PCBD2: variants seen among roughly 807,000 people sequenced by gnomAD.
The protein encoded by PCBD2 is pterin-4-alpha-carbinolamine dehydratase 2.
PCBD2 carries 12 observed loss-of-function variants against 16.4 expected under a neutral mutation model. The observed-to-expected ratio is 0.73, with a 90% CI of 0.47 to 1.19. The LOEUF (loss-of-function observed/expected upper bound fraction) is 1.19. Among genes scored for constraint, PCBD2 ranks in the 50% most tolerant of loss-of-function variants. PCBD2 has a pLI of 0.00. For missense variants in PCBD2, 138 were observed against 156.8 expected (o/e 0.88, Z 0.64); for synonymous variants, 58 against 61.8 (o/e 0.94, Z 0.29).
rs756864106 is a variant in PCBD2 at position 134,945,589 on chromosome 5, A to G, written c.217-13451A>G. ...TTAAATGTTTTCTCTCTTCATTGCT[A>G]TTTTCTGAATTACTAGCATAATTTG... On this transcript the variant is annotated intron_variant, in intron 2 of 3. Coordinates refer to ENST00000254908, the MANE Select transcript of PCBD2 (RefSeq NM_032151.5). Among the ~76,000 whole-genome samples the G allele has an allele frequency of 3.3e-5, 5 of 152,272 alleles. No homozygotes were observed. In the East Asian group the frequency reaches 5.8e-4, roughly 18 times the overall value.
chr5:134,944,265 T>C (rs1407633538), intron 2 of PCBD2, among the ~76,000 whole-genome samples: 2 of 152,170 alleles, frequency 1.3e-5, no homozygotes, highest in Non-Finnish European at 2.9e-5. Flanking sequence ...TATTTGGACC[T>C]TGGAGAAACT....
intron 1 of PCBD2, among the ~76,000 whole-genome samples, chr5:134,908,576 A>T (rs1750727352): frequency 6.7e-6 from 1 of 150,242 alleles, no homozygotes; most frequent in Admixed American, 6.7e-5. Context: ...GAGGCAGAAG[A>T]GTCGCTTGAA....
rs1750719201 is a variant in PCBD2 at position 134,908,079 on chromosome 5, C to G, written c.85-2256C>G. On this transcript the variant is annotated intron_variant, in intron 1 of 3. Transcript: ENST00000254908. ...AGACTATGGACATGGTCCACCACAC[C>G]CGGCTATTTTTTAAAATTTTTTTGT... 8.6e-5 allele frequency among the ~76,000 whole-genome samples: 13 copies of G among 151,742 alleles called. 1 individual carries two copies. Among genetic ancestry groups the G allele is most frequent in the Admixed American group, 8.5e-4 (13 of 15,238 alleles).
chr5:134,912,282 G>C (rs1750778758), intron 2 of PCBD2, among the ~76,000 whole-genome samples: 1 of 152,168 alleles, frequency 6.6e-6, no homozygotes, highest in African/African-American at 2.4e-5. Flanking sequence ...TTTCCCACTA[G>C]GCTCCTATGA....
intron 2 of PCBD2, among the ~76,000 whole-genome samples, chr5:134,952,895 A>G (rs1283020868): frequency 6.6e-6 from 1 of 151,866 alleles, no homozygotes; most frequent in Admixed American, 6.6e-5. Context: ...ATTCAATGCC[A>G]TGTTATTATT....
At chr5:134,914,189 A>G (rs1473097374) in intron 2 of PCBD2, among the ~76,000 whole-genome samples, 3 of 152,166 alleles carry the variant, frequency 2.0e-5, no homozygotes, top group Non-Finnish European at 4.4e-5. Context: ...TTAGATGCCA[A>G]TAGGCCGTTA....
chr5:134,941,118 GAAAAAAAAAA>G (rs764468793), intron 2 of PCBD2, among the ~76,000 whole-genome samples: 3 of 80,212 alleles, frequency 3.7e-5, no homozygotes, highest in African/African-American at 9.8e-5. Context: ...CCATCTCAAG[GAAAAAAAAAA>G]AAAAAAAAAA....
intron 2 of PCBD2, among the ~76,000 whole-genome samples, chr5:134,944,882 A>G (rs962088850): frequency 6.6e-6 from 1 of 152,218 alleles, no homozygotes; most frequent in Non-Finnish European, 1.5e-5. Flanking sequence ...GGTGGTTTAG[A>G]TTAGCTGTGA....
rs556828586 is a variant in PCBD2, at chr5:134,934,180, G to A, written c.216+23714G>A. Among the ~76,000 whole-genome samples, 26 of 152,196 alleles carry A rather than the reference G, an allele frequency of 1.7e-4. No homozygotes were observed. In the South Asian group the frequency reaches 2.3e-3, roughly 13 times the overall value. ...GTGTTTTTATTTTTGAATTGGATAAGTAAGGGACATGTACTTTCCCCTTTG... is the reference window on the plus strand; with the variant it reads ...GTGTTTTTATTTTTGAATTGGATAAATAAGGGACATGTACTTTCCCCTTTG... On this transcript the variant is annotated intron_variant, in intron 2 of 3. Coordinates refer to ENST00000254908, the MANE Select transcript of PCBD2 (RefSeq NM_032151.5).
chr5:134,951,993 A>G (rs1388806463), intron 2 of PCBD2, among the ~76,000 whole-genome samples: 1 of 152,110 alleles, frequency 6.6e-6, no homozygotes, highest in Non-Finnish European at 1.5e-5. Context: ...GTGTAGTAAG[A>G]TTTATCTATT....
At chr5:134,912,349 C>T (rs991109293) in intron 2 of PCBD2, among the ~76,000 whole-genome samples, 3 of 152,120 alleles carry the variant, frequency 2.0e-5, no homozygotes, top group Non-Finnish European at 4.4e-5. Context: ...TTGTCAGTGC[C>T]CTCCAGCGAA....
At chr5:134,955,269 T>G (rs965408936) in intron 2 of PCBD2, among the ~76,000 whole-genome samples, 4 of 151,982 alleles carry the variant, frequency 2.6e-5, no homozygotes, top group African/African-American at 2.4e-5. Context: ...ACTCTAATTT[T>G]GGGGGTTTCG....
chr5:134,947,083 T>C (rs1460740619), intron 2 of PCBD2, among the ~76,000 whole-genome samples: 3 of 151,976 alleles, frequency 2.0e-5, no homozygotes, highest in Non-Finnish European at 4.4e-5. Context: ...TTGCATGCTA[T>C]TAAAAAAAAA....
intron 2 of PCBD2, 111 bp downstream of exon 2, chr5:134,910,577 C>A: frequency 7.8e-7 from 1 of 1,283,870 alleles, no homozygotes; most frequent in Non-Finnish European, 1.1e-6. Context: ...GGATTCAACT[C>A]TTCCCTTCTT....
chr5:134,907,168 A>G (rs992122793), intron 1 of PCBD2, among the ~76,000 whole-genome samples: 1 of 152,278 alleles, frequency 6.6e-6, no homozygotes, highest in African/African-American at 2.4e-5. Flanking sequence ...GCAGCTACTC[A>G]GTGTGGACAC....
chr5:134,949,741 G>A (rs1751338636), intron 2 of PCBD2, among the ~76,000 whole-genome samples: 1 of 152,212 alleles, frequency 6.6e-6, no homozygotes, highest in South Asian at 2.1e-4. Context: ...ATGTAATCAT[G>A]TTCTGTGGCA....
chr5:134,925,954 A>G, intron 2 of PCBD2: 1 of 390,218 alleles, frequency 2.6e-6, no homozygotes, highest in African/African-American at 2.1e-5. Flanking sequence ...GATTGCTTGA[A>G]TAGCTGCTGT....
In PCBD2 at chr5:134,960,837, G is replaced by T. The variant is rs536284087; in HGVS notation, c.*156G>T. 104 of 580,432 alleles carry T rather than the reference G, an allele frequency of 1.8e-4. 2 individuals carry two copies. The South Asian group carries it at 2.1e-3, about 12-fold the overall frequency. 36.0% of individuals were successfully genotyped at this position (580,432 alleles called of 1,614,324 possible). On this transcript the variant is annotated 3_prime_UTR_variant, in exon 4 of 4. Transcript: ENST00000254908. ...GCCAGAGTGCAGTGGTATGATCTCG[G>T]CTCACTGTAACCTCCGCCTCCCAGG... is the stretch of plus-strand genomic sequence containing the variant.
At chr5:134,910,642 G>C (rs1352862735) in intron 2 of PCBD2, among the ~76,000 whole-genome samples, 176 bp downstream of exon 2, 2 of 152,136 alleles carry the variant, frequency 1.3e-5, no homozygotes, top group African/African-American at 4.8e-5. Flanking sequence ...CACCCACCTG[G>C]GTGGTGTTTA....
Sources: allele counts gnomAD v4.1 joint callset (sites outside exome capture counted in the v4.1 genomes callset), GRCh38; gene constraint gnomAD v4.1.1; transcripts MANE v1.5; gene names NCBI Gene and HGNC (gene_info 2026-07-23, HGNC 2026-07-21).